FGF13: variants seen among roughly 807,000 people sequenced by gnomAD.
FGF13 encodes fibroblast growth factor 13.
Under a neutral mutation model 19.5 loss-of-function variants are expected in FGF13, and 2 were observed. The observed-to-expected ratio is 0.10, with a 90% CI of 0.04 to 0.32. The LOEUF (loss-of-function observed/expected upper bound fraction) is 0.32, where lower values mean the gene tolerates loss of function less well. FGF13 is among the 10% of genes least tolerant of loss of function. The probability of loss-of-function intolerance (pLI) is 1.00; values close to 1 mark genes in which losing one functional copy is unlikely to be tolerated. For synonymous variants in FGF13, 72 were observed against 76.9 expected, an observed-to-expected ratio of 0.94 and a Z score of 0.33; for missense variants, 113 against 192.7, an observed-to-expected ratio of 0.59 and a Z score of 2.45.
intron 1 of FGF13, among the ~76,000 whole-genome samples, chrX:138,943,961 T>G (rs4829948): frequency 0.44 from 48,852 of 110,027 alleles, 8,038 homozygotes; most frequent in Middle Eastern, 0.55. Context: ...GAACTGGATA[T>G]TTGTACTATT....
At chrX:138,886,141 A>G (rs140987667) in intron 1 of FGF13, among the ~76,000 whole-genome samples, 205 of 112,076 alleles carry the variant, frequency 1.8e-3, no homozygotes, top group African/African-American at 6.4e-3. Context: ...ACAAGGCACT[A>G]TAAGAAAGAA....
intron 1 of FGF13, among the ~76,000 whole-genome samples, chrX:138,955,381 C>A (rs910261997): frequency 8.9e-6 from 1 of 112,308 alleles, no homozygotes; most frequent in East Asian, 2.8e-4. Context: ...ATTCAGAATA[C>A]AGAGTCTTCT....
chrX:138,674,084 T>C (rs1285326006), intron 3 of FGF13, among the ~76,000 whole-genome samples: 1 of 110,027 alleles, frequency 9.1e-6, no homozygotes, highest in Admixed American at 9.8e-5. Flanking sequence ...AATTCTAATG[T>C]AGTACTACTA....
chrX:138,959,145 T>G (rs1372358556), intron 1 of FGF13, among the ~76,000 whole-genome samples: 1 of 112,074 alleles, frequency 8.9e-6, no homozygotes, highest in Non-Finnish European at 1.9e-5. Flanking sequence ...TCCTGCTTTC[T>G]CTTGTGGGCA....
chrX:138,837,965 T>G (rs2091124000), intron 3 of FGF13, among the ~76,000 whole-genome samples: 1 of 112,385 alleles, frequency 8.9e-6, no homozygotes, highest in Admixed American at 9.4e-5. Flanking sequence ...AAGAACTCAC[T>G]TAAAGAAACA....
rs935022168 is a variant in FGF13 at position 138,619,955 on chromosome X, C to G, written c.*12895G>C. 9.0e-6 allele frequency: 1 copy of G among 111,590 alleles called. No homozygotes were observed. The highest frequency in any genetic ancestry group is 1.9e-5 in the Non-Finnish European group (1 of 53,201). 9.2% of individuals were successfully genotyped at this position (111,590 alleles called of 1,213,427 possible). A position where few individuals can be genotyped will look rare whatever the true frequency, so the allele number is the denominator to read the frequency against. ...CAGAAATAACATTTGACCCAGCAATCCCATTACTAGGTATATACCCAAAGG... is the reference window on the plus strand; with the variant it reads ...CAGAAATAACATTTGACCCAGCAATGCCATTACTAGGTATATACCCAAAGG... On this transcript the variant is annotated 3_prime_UTR_variant, in exon 5 of 5. Transcript: ENST00000315930.
intron 3 of FGF13, among the ~76,000 whole-genome samples, chrX:138,771,008 C>T (rs1334643597): frequency 2.7e-5 from 3 of 111,441 alleles, no homozygotes; most frequent in Admixed American, 1.9e-4. Context: ...AGCAACCCTA[C>T]AGTGTAAAGA....
intron 3 of FGF13, among the ~76,000 whole-genome samples, chrX:138,758,628 C>T (rs1332384854): frequency 9.0e-6 from 1 of 111,498 alleles, no homozygotes; most frequent in Non-Finnish European, 1.9e-5. Context: ...TGTGTCCCCT[C>T]CTTAAACTGC....
chrX:138,767,351 A>G (rs934373246), intron 3 of FGF13, among the ~76,000 whole-genome samples: 2 of 112,040 alleles, frequency 1.8e-5, no homozygotes, highest in Non-Finnish European at 3.8e-5. Context: ...GCATTCAATG[A>G]TGCATCTGAA....
chrX:139,158,500 T>G (rs1603226084), intron 1 of FGF13, among the ~76,000 whole-genome samples: 1 of 110,810 alleles, frequency 9.0e-6, no homozygotes, highest in African/African-American at 3.3e-5. Context: ...GCCAAGAAGT[T>G]CAAACTGGGC....
intron 1 of FGF13, among the ~76,000 whole-genome samples, chrX:138,720,671 G>A (rs1388739349): frequency 9.0e-6 from 1 of 111,274 alleles, no homozygotes; most frequent in African/African-American, 3.3e-5. Context: ...AGGGCAGGAG[G>A]GCAGGAATTG....
At chrX:138,793,098 T>C (rs1043286938) in intron 3 of FGF13, among the ~76,000 whole-genome samples, 1 of 111,354 alleles carries the variant, frequency 9.0e-6, no homozygotes, top group Non-Finnish European at 1.9e-5. Context: ...ACTGAAGTGC[T>C]ACAGCCACAA....
chrX:138,768,714 T>TACATAC (rs1569388460), intron 3 of FGF13, among the ~76,000 whole-genome samples: 9 of 99,871 alleles, frequency 9.0e-5, no homozygotes, highest in African/African-American at 3.5e-4. Context: ...TATATATATA[T>TACATAC]ATAAGTATAT....
At chrX:138,865,003 C>T (rs2091309567) in intron 1 of FGF13, among the ~76,000 whole-genome samples, 1 of 111,716 alleles carries the variant, frequency 9.0e-6, no homozygotes, top group Admixed American at 9.5e-5. Context: ...TGACTGTGGA[C>T]CCCCACCCAG....
At chrX:139,072,009 C>CA (rs547217409) in intron 1 of FGF13, among the ~76,000 whole-genome samples, 10,408 of 24,755 alleles carry the variant, frequency 0.42, 2,359 homozygotes, top group East Asian at 0.47. Flanking sequence ...GATTCCATCT[C>CA]AAAAAAAAAA....
At chrX:138,679,964 C>T (rs1048826653) in intron 3 of FGF13, among the ~76,000 whole-genome samples, 13 of 112,316 alleles carry the variant, frequency 1.2e-4, no homozygotes, top group African/African-American at 4.2e-4. Flanking sequence ...GATTTATCAA[C>T]TAAGTTTTTG....
intron 1 of FGF13, among the ~76,000 whole-genome samples, chrX:138,932,872 G>T (rs2091711403): frequency 9.0e-6 from 1 of 110,554 alleles, no homozygotes; most frequent in African/African-American, 3.3e-5. Flanking sequence ...ACAGGCCCTG[G>T]CTTATAGAGA....
At chrX:138,672,229 T>C (rs1038552258) in intron 3 of FGF13, among the ~76,000 whole-genome samples, 1 of 110,699 alleles carries the variant, frequency 9.0e-6, no homozygotes, top group African/African-American at 3.3e-5. Flanking sequence ...AACAGAGGAG[T>C]TGTCACATTA....
intron 1 of FGF13, among the ~76,000 whole-genome samples, chrX:139,067,123 A>G (rs1166353991): frequency 9.0e-6 from 1 of 111,713 alleles, no homozygotes; most frequent in East Asian, 2.8e-4. Context: ...GTACTGATGG[A>G]ACATAATTGC....
Sources: allele counts gnomAD v4.1 joint callset (sites outside exome capture counted in the v4.1 genomes callset), GRCh38; gene constraint gnomAD v4.1.1; transcripts MANE v1.5; gene names NCBI Gene and HGNC (gene_info 2026-07-23, HGNC 2026-07-21).